RFX1: variants seen among roughly 807,000 people sequenced by gnomAD.
RFX1 encodes the protein MHC class II regulatory factor RFX1.
A neutral mutation model predicts 119.6 loss-of-function variants in RFX1; 42 were observed. The ratio of observed to expected loss-of-function variants is 0.35; its 90% CI spans 0.27 to 0.45. The LOEUF is 0.45. Ranked by LOEUF, RFX1 falls within the 20% of genes least tolerant of loss-of-function variation. The probability of loss-of-function intolerance (pLI) is 1.00; values close to 1 mark genes in which losing one functional copy is unlikely to be tolerated. For synonymous variants in RFX1, 628 were observed against 618.5 expected, an observed-to-expected ratio of 1.02 and a Z score of -0.23; for missense variants, 1,118 against 1,368.1, an observed-to-expected ratio of 0.82 and a Z score of 2.88.
At chr19:13,977,387 A>G (rs940779849) in intron 8 of RFX1, among the ~76,000 whole-genome samples, 1 of 152,098 alleles carries the variant, frequency 6.6e-6, no homozygotes. Context: ...AACAGGTCAC[A>G]GCATCCTCTC....
Position 13,966,511 on chromosome 19 carries a change from A to G in RFX1, c.1871T>C (p.Val624Ala). Residue 624 changes from valine (V) to alanine (A), a missense_variant, in exon 14 of 21, where the codon GTG (valine) becomes GCG (alanine). Physicochemically the swap from Val to Ala is moderately conservative, Grantham distance 64. This residue lies in a region of RFX1 where 338 missense variants were observed against 508.9 expected (regional missense o/e 0.66). Transcript: ENST00000254325. The surrounding 1 kb of genome is among the most constrained non-coding windows in gnomAD (Gnocchi z 6.3). ...CTCCACCAGGGTGAACTGCAGGTTC[A>G]CCATGACGTCGACAATGGCCTGTGG... ...EHCEAIVDVM[V>A]NLQFTLVETL... is the part of the protein sequence containing the mutation. 1 of 1,578,644 alleles carries G rather than the reference A, an allele frequency of 6.3e-7. No homozygotes were observed. Among genetic ancestry groups the G allele is most frequent in the Non-Finnish European group, 8.6e-7 (1 of 1,158,672 alleles).
At chr19:13,988,024 C>CTTTTTT (rs768766007) in intron 2 of RFX1, among the ~76,000 whole-genome samples, 1 of 134,482 alleles carries the variant, frequency 7.4e-6, no homozygotes, top group African/African-American at 2.8e-5. Context: ...ACTTCTTGCT[C>CTTTTTT]TTTTTTTTTT....
In RFX1 at chr19:13,985,781, C is replaced by T. The variant is rs1368316730; in HGVS notation, c.320-2186G>A. On this transcript the variant is annotated intron_variant, in intron 2 of 20. Transcript: ENST00000254325. The surrounding 1 kb of genome is among the most constrained non-coding windows in gnomAD (Gnocchi z 4.3). ...CTGGGTCTCGGCTGTCCAGGCAGGGCACAGGAGGGAGAGGGGCCTGGACAG... is the reference window on the plus strand; with the variant it reads ...CTGGGTCTCGGCTGTCCAGGCAGGGTACAGGAGGGAGAGGGGCCTGGACAG... 6.6e-6 allele frequency among the ~76,000 whole-genome samples: 1 copy of T among 152,080 alleles called. No homozygotes were observed. Among genetic ancestry groups the T allele is most frequent in the Non-Finnish European group, 1.5e-5 (1 of 68,016 alleles).
chr19:13,978,175 C>T (rs1264313563), intron 7 of RFX1, 89 bp from the exon 8 acceptor site: 2 of 925,064 alleles, frequency 2.2e-6, no homozygotes, highest in South Asian at 3.0e-5. Context: ...CCCAGGCTAT[C>T]CCTGACGCCC....
Position 13,980,731 on chromosome 19 carries a change from T to TGCATTCTCTCTGGGGTGGGCTC in RFX1, c.622-43_622-42insGAGCCCACCCCAGAGAGAATGC. 1 of 1,201,554 alleles carries TGCATTCTCTCTGGGGTGGGCTC rather than the reference T, an allele frequency of 8.3e-7. No individual in the cohort carries two copies. The highest frequency in any genetic ancestry group is 1.2e-6 in the Non-Finnish European group (1 of 842,376). 74.4% of individuals were successfully genotyped at this position (1,201,554 alleles called of 1,614,324 possible). On this transcript the variant is annotated intron_variant, in intron 5 of 20. Coordinates refer to ENST00000254325, the MANE Select transcript of RFX1 (RefSeq NM_002918.5). This position sits in a 1 kb window ranked among gnomAD's most constrained non-coding sequence, Gnocchi z 5.1. ...CACAGGAGTGCCGCTGGGGTGGGCT[T>TGCATTCTCTCTGGGGTGGGCTC]GCATCCTCTCTGAGGTGGGCTCACA...
chr19:13,991,506 TAA>T (rs1330972515), intron 2 of RFX1, among the ~76,000 whole-genome samples: 3 of 152,034 alleles, frequency 2.0e-5, no homozygotes, highest in Non-Finnish European at 2.9e-5. Flanking sequence ...GTCCATATAG[TAA>T]AGAGTCACTG....
At chr19:13,997,104 C>T (rs1228043934) in intron 1 of RFX1, among the ~76,000 whole-genome samples, 2 of 152,286 alleles carry the variant, frequency 1.3e-5, no homozygotes, top group South Asian at 2.1e-4. Context: ...GCAAAGGTTA[C>T]GCCCCCTGCC....
Position 13,968,620 on chromosome 19 carries a change from C to A in RFX1, c.1677G>T (p.Pro559=). The A allele has an allele frequency of 1.2e-6, 2 of 1,613,250 alleles. No homozygotes were observed. The highest frequency in any genetic ancestry group is 1.7e-6 in the Non-Finnish European group (2 of 1,179,984). The part of the protein sequence containing the change: ...MTNGVAVGQQ[P]STGLSDISAQ... ...CGCTGATGTCCGACAGCCCCGTGCT[C>A]GGCTGCTGCCCCACCGCCACGCCGT... Residue 559 remains proline (P), a synonymous_variant, in exon 12 of 21, where the codon CCG becomes CCT. Coordinates refer to ENST00000254325, the MANE Select transcript of RFX1 (RefSeq NM_002918.5). The surrounding 1 kb of genome is among the most constrained non-coding windows in gnomAD (Gnocchi z 5.5).
Position 14,004,302 on chromosome 19 carries a change from G to A in RFX1, c.-53+1801C>T, listed in dbSNP as rs555934000. On this transcript the variant is annotated intron_variant, in intron 1 of 20. Transcript: ENST00000254325. ...AGGCAGGTAAATCTCGAGGTCAAGA[G>A]ATCAAGACCATCCTGACCAACATGG... 1.3e-3 allele frequency among the ~76,000 whole-genome samples: 204 copies of A among 152,290 alleles called. 2 individuals are homozygous for A. The highest frequency in any genetic ancestry group is 4.4e-3 in the African/African-American group (185 of 41,594).
At chr19:13,967,687 G>C (rs1291887883) in intron 12 of RFX1, among the ~76,000 whole-genome samples, 1 of 151,744 alleles carries the variant, frequency 6.6e-6, no homozygotes, top group Non-Finnish European at 1.5e-5. Flanking sequence ...ATGTTGACTA[G>C]GCTGGTCTCG....
Position 13,965,629 on chromosome 19 carries a change from G to A in RFX1, c.2110C>T (p.Pro704Ser). ...GCCGAGCAGGCCGAGCACTCACTGG[G>A]GATGGGCCGCAGCACGTCGGGAATG... ...ILIPDVLRPI[P>S]SALTQAIRNF... The change falls in exon 15 of 21, where the codon CCC (proline) becomes TCC (serine). Residue 704 changes from proline to serine, a missense_variant. By Grantham distance (74) the Pro-to-Ser change is moderately conservative. Around this residue, in one of 5 missense-constraint regions of RFX1, gnomAD observed 338 missense variants for 508.9 expected, o/e 0.66. Transcript: ENST00000254325. This position sits in a 1 kb window ranked among gnomAD's most constrained non-coding sequence, Gnocchi z 4.7. 6.2e-7 allele frequency: 1 copy of A among 1,613,380 alleles called. No homozygotes were observed. The highest frequency in any genetic ancestry group is 1.1e-5 in the South Asian group (1 of 91,054).
intron 9 of RFX1, among the ~76,000 whole-genome samples, chr19:13,971,183 A>G (rs1044323531): frequency 2.6e-5 from 4 of 151,692 alleles, no homozygotes; most frequent in African/African-American, 9.7e-5. Flanking sequence ...AAAATACAAA[A>G]ATTAGCCAGG....
chr19:13,988,176 G>A (rs1406895974), intron 2 of RFX1, among the ~76,000 whole-genome samples: 2 of 152,074 alleles, frequency 1.3e-5, no homozygotes, highest in South Asian at 2.1e-4. Flanking sequence ...ACAGGCACAC[G>A]CCAACACGCC....
rs372349612 is a variant in RFX1 at position 13,963,870 on chromosome 19, G to A, written c.2349C>T (p.Phe783=). 2.1e-5 allele frequency: 32 copies of A among 1,545,950 alleles called. No homozygotes were observed. The African/African-American group carries it at 4.3e-4, about 21-fold the overall frequency. ...QMLSDLNRVD[F]ANVQEQASWV... ...GCCCCGCGCTCACCTGCACGTTGGC[G>A]AAGTCCACGCGGTTGAGGTCGCTCA... The change falls in exon 17 of 21, where the codon TTC becomes TTT. Residue 783 remains phenylalanine, a synonymous_variant. Coordinates refer to ENST00000254325, the MANE Select transcript of RFX1 (RefSeq NM_002918.5).
chr19:13,976,772 G>A (rs1477520562), intron 8 of RFX1, among the ~76,000 whole-genome samples: 1 of 152,092 alleles, frequency 6.6e-6, no homozygotes, highest in Admixed American at 6.6e-5. Flanking sequence ...AGGCCAAGAC[G>A]GGAGGATCAT....
intron 1 of RFX1, among the ~76,000 whole-genome samples, chr19:13,995,501 C>A (rs1974978116): frequency 6.6e-6 from 1 of 152,152 alleles, no homozygotes; most frequent in Admixed American, 6.6e-5. Flanking sequence ...GGTGACAGGG[C>A]TGGGAGCAGG....
In RFX1 at chr19:13,968,715, G is replaced by A. The variant is rs764306171; in HGVS notation, c.1617-35C>T. On this transcript the variant is annotated intron_variant, in intron 11 of 20. Transcript: ENST00000254325. The surrounding 1 kb of genome is among the most constrained non-coding windows in gnomAD (Gnocchi z 5.5). ...AATGGGCAGGTGGGCCGGCTGCTGG[G>A]GGCCGGCCTGTGTGCCCTTCCCCGC... The A allele has an allele frequency of 1.1e-5, 18 of 1,610,078 alleles. No homozygotes were observed. Among genetic ancestry groups the A allele is most frequent in the East Asian group, 2.2e-5 (1 of 44,822 alleles).
At chr19:14,001,034 G>A (rs1310200655) in intron 1 of RFX1, among the ~76,000 whole-genome samples, 1 of 152,154 alleles carries the variant, frequency 6.6e-6, no homozygotes, top group Non-Finnish European at 1.5e-5. Context: ...GGCAGAGGTT[G>A]CAGTGAGCCT....
intron 8 of RFX1, among the ~76,000 whole-genome samples, chr19:13,973,795 A>G (rs1408385552): frequency 6.6e-6 from 1 of 151,934 alleles, no homozygotes; most frequent in East Asian, 1.9e-4. Context: ...ACACCAGGTT[A>G]ATTTTTGTAT....
Sources: gnomAD v4.1 joint callset for allele counts (sites outside exome capture counted in the v4.1 genomes callset) on GRCh38, gnomAD v4.1.1 for gene constraint, gnomAD v4.1.1 regional missense constraint, Gnocchi (gnomAD v3.1) non-coding constraint, MANE v1.5 for transcripts, NCBI Gene and HGNC (gene_info 2026-07-23, HGNC 2026-07-21) for gene names.